Variants in CFAP44 observed in about 807,000 individuals in gnomAD.
The protein encoded by CFAP44 is cilia and flagella associated protein 44, also known as cilia- and flagella-associated protein 44.
A neutral mutation model predicts 216.2 loss-of-function variants in CFAP44; 134 were observed. The ratio of observed to expected loss-of-function variants is 0.62; its 90% CI spans 0.54 to 0.72. The LOEUF (loss-of-function observed/expected upper bound fraction) is 0.72. Among genes scored for constraint, CFAP44 ranks in the 30% least tolerant of loss-of-function variants. The pLI is 0.00. For synonymous variants in CFAP44, 700 were observed against 727.6 expected, an observed-to-expected ratio of 0.96 and a Z score of 0.61; for missense variants, 2,035 against 2,182.1, an observed-to-expected ratio of 0.93 and a Z score of 1.34.
Position 113,377,517 on chromosome 3 carries a change from CA to C in CFAP44, c.2298+1788del, listed in dbSNP as rs1293215729. Among the ~76,000 whole-genome samples the C allele has an allele frequency of 2.0e-5, 3 of 149,976 alleles. No homozygotes were observed. The East Asian group carries it at 5.8e-4, about 29-fold the overall frequency. On this transcript the variant is annotated intron_variant, in intron 17 of 34. Transcript: ENST00000393845. ...CCTTGGTTTCTTCATATATAAAATG[CA>C]AAAAAAACCAGCACTTATTTTATAG...
rs1176039235 is a variant in CFAP44, at chr3:113,330,667, A to G, written c.3617T>C (p.Val1206Ala). ...EEELGHLDSL[V>A]HGNKRHMNKC... is the part of the protein sequence containing the mutation. ...GTTCATGTGCCTTTTATTTCCATGG[A>G]CCTGAAAAAAAGAAGAGGAAGGAAA... Residue 1206 changes from valine to alanine, a missense_variant and splice_region_variant, in exon 26 of 35, where the codon GTC becomes GCC. Physicochemically the swap from Val to Ala is moderately conservative, Grantham distance 64. Coordinates refer to ENST00000393845, the MANE Select transcript of CFAP44 (RefSeq NM_001164496.2). 1.3e-6 allele frequency: 2 copies of G among 1,527,238 alleles called. No individual in the cohort carries two copies. The highest frequency in any genetic ancestry group is 4.9e-5 in the East Asian group (2 of 40,822). The allele number at this position is 1,527,238 out of a possible 1,614,324, so 94.6% of individuals were successfully genotyped here. A position where few individuals can be genotyped will look rare whatever the true frequency, so the allele number is the denominator to read the frequency against.
In CFAP44 at chr3:113,383,635, T is replaced by C. The variant is rs116438669; in HGVS notation, c.1891-2575A>G. On this transcript the variant is annotated intron_variant, in intron 15 of 34. Transcript: ENST00000393845. Reference sequence around the variant, plus strand: ...CTATTAAGTTAGGAAAAGCAAATGGTAAATGAAATACAGGTCTCTGTGTCG... The same window carrying C: ...CTATTAAGTTAGGAAAAGCAAATGGCAAATGAAATACAGGTCTCTGTGTCG... Among the ~76,000 whole-genome samples, 701 of 152,282 alleles carry C rather than the reference T, an allele frequency of 4.6e-3. 6 individuals are homozygous for C. Among genetic ancestry groups the C allele is most frequent in the African/African-American group, 0.016 (679 of 41,556 alleles).
At chr3:113,427,020 T>A (rs1385001169) in intron 3 of CFAP44, 167 bp downstream of exon 3, 4 of 665,034 alleles carry the variant, frequency 6.0e-6, no homozygotes, top group Admixed American at 3.3e-5. Context: ...ACCACAAGTC[T>A]AGGGCTGCTA....
chr3:113,364,648 G>T (rs1410390108), intron 19 of CFAP44, among the ~76,000 whole-genome samples: 2 of 152,130 alleles, frequency 1.3e-5, no homozygotes, highest in Non-Finnish European at 2.9e-5. Context: ...GGTCACAGTT[G>T]TTTCCAATAA....
intron 18 of CFAP44, among the ~76,000 whole-genome samples, chr3:113,369,666 G>T (rs1576574827): frequency 1.3e-5 from 2 of 152,254 alleles, no homozygotes; most frequent in African/African-American, 4.8e-5. Context: ...GCAATTAAAA[G>T]AACTAGAGAA....
At position 113,395,758 on chromosome 3, in the gene CFAP44, T is replaced by C; in HGVS notation, c.1882A>G (p.Met628Val). The C allele has an allele frequency of 6.2e-7, 1 of 1,610,508 alleles. No homozygotes were observed. The highest frequency in any genetic ancestry group is 8.5e-7 in the Non-Finnish European group (1 of 1,178,064). Residue 628 changes from methionine (M) to valine (V), a missense_variant, in exon 15 of 35, where the codon ATG becomes GTG. Met to Val is a conservative substitution (Grantham distance 21). Transcript: ENST00000393845. ...GPVCQLMWSPMSHPESTLLII... is the reference protein window; with the variant it reads ...GPVCQLMWSPVSHPESTLLII... ...AAATAATAATGACTTACATGAGACA[T>C]GGGAGACCACATTAACTGACACACA...
chr3:113,409,322 T>C lies in CFAP44; in HGVS notation c.674A>G (p.Asp225Gly). Residue 225 changes from aspartate to glycine, a missense_variant and splice_region_variant, in exon 7 of 35, where the codon GAT becomes GGT. Physicochemically the swap from Asp to Gly is moderately conservative, Grantham distance 94 (BLOSUM62 -1). Around this residue, in one of 3 missense-constraint regions of CFAP44, gnomAD observed 1,883 missense variants for 2,023.7 expected, o/e 0.93. Coordinates refer to ENST00000393845, the MANE Select transcript of CFAP44 (RefSeq NM_001164496.2). The stretch of plus-strand genomic sequence containing the variant: ...ATAAGCATATCCCTTCTCAGTCCCA[T>C]CTGGAAGGATAAATGGAAGCCTAAT... ...PSLRPYRVLR[D>G]GTEKGYAYVD... The C allele has an allele frequency of 1.2e-6, 2 of 1,612,452 alleles. No homozygotes were observed. Among genetic ancestry groups the C allele is most frequent in the South Asian group, 2.2e-5 (2 of 90,966 alleles).
chr3:113,385,103 T>C (rs1365793544), intron 15 of CFAP44, among the ~76,000 whole-genome samples: 5 of 152,186 alleles, frequency 3.3e-5, no homozygotes, highest in African/African-American at 1.2e-4. Flanking sequence ...GAGTTCCCCT[T>C]CACAAGACTT....
chr3:113,337,331 C>G (rs1950289680), intron 24 of CFAP44, among the ~76,000 whole-genome samples: 2 of 151,914 alleles, frequency 1.3e-5, no homozygotes, highest in East Asian at 3.9e-4. Flanking sequence ...GAAAGTCATA[C>G]CATGTCCATG....
chr3:113,331,967 C>T lies in CFAP44; in HGVS notation c.3616-1299G>A, dbSNP rs562763879. On this transcript the variant is annotated intron_variant, in intron 25 of 34. Transcript: ENST00000393845. The stretch of plus-strand genomic sequence containing the variant: ...CTCTTTTTACAGATGAAATAAAAGG[C>T]TTAGGGAGATTTATATGACTTAGCA... 1.1e-4 allele frequency among the ~76,000 whole-genome samples: 17 copies of T among 152,148 alleles called. No individual in the cohort carries two copies. In the East Asian group the frequency reaches 3.1e-3, roughly 28 times the overall value.
At chr3:113,321,539 A>C (rs1950146328) in intron 28 of CFAP44, among the ~76,000 whole-genome samples, 1 of 152,208 alleles carries the variant, frequency 6.6e-6, no homozygotes, top group African/African-American at 2.4e-5. Context: ...GGCAACAAAC[A>C]GAAATAAAAG....
intron 23 of CFAP44, among the ~76,000 whole-genome samples, chr3:113,342,299 C>T (rs1193083351): frequency 6.6e-6 from 1 of 152,170 alleles, no homozygotes; most frequent in Non-Finnish European, 1.5e-5. Context: ...TGCCACTGCA[C>T]TCCAGCCTGG....
At chr3:113,319,544 CAA>C (rs1310011034) in intron 28 of CFAP44, among the ~76,000 whole-genome samples, 2 of 152,056 alleles carry the variant, frequency 1.3e-5, no homozygotes, top group Non-Finnish European at 2.9e-5. Context: ...AGAAAACTAA[CAA>C]AAAAACTCTG....
intron 28 of CFAP44, among the ~76,000 whole-genome samples, chr3:113,314,909 A>G (rs1950072836): frequency 6.6e-6 from 1 of 152,150 alleles, no homozygotes. Flanking sequence ...AAATATAAAG[A>G]GCAACAACTT....
At chr3:113,345,704 AT>A (rs1950374803) in intron 22 of CFAP44, among the ~76,000 whole-genome samples, 1 of 152,064 alleles carries the variant, frequency 6.6e-6, no homozygotes, top group Non-Finnish European at 1.5e-5. Context: ...TAATTAACAA[AT>A]TTTTTTCATC....
chr3:113,437,346 G>A (rs1472679542), intron 1 of CFAP44, among the ~76,000 whole-genome samples: 1 of 152,090 alleles, frequency 6.6e-6, no homozygotes, highest in Non-Finnish European at 1.5e-5. Context: ...CTAATAAAAA[G>A]AGCCCATAAT....
intron 19 of CFAP44, among the ~76,000 whole-genome samples, chr3:113,365,144 G>T (rs1937636015): frequency 1.3e-5 from 2 of 152,108 alleles, no homozygotes; most frequent in Admixed American, 6.5e-5. Flanking sequence ...TTTCTATAGA[G>T]AGGGTTGGCA....
At chr3:113,363,766 TAATC>T (rs1227049655) in intron 19 of CFAP44, among the ~76,000 whole-genome samples, 1 of 152,198 alleles carries the variant, frequency 6.6e-6, no homozygotes, top group East Asian at 1.9e-4. Flanking sequence ...AGTCTTAACC[TAATC>T]ATATGTTTGC....
chr3:113,292,643 A>G (rs760677084), intron 34 of CFAP44, among the ~76,000 whole-genome samples: 1 of 152,208 alleles, frequency 6.6e-6, no homozygotes, highest in Non-Finnish European at 1.5e-5. Flanking sequence ...AGACTCAGGG[A>G]GTCATTAACT....
Sources: allele counts gnomAD v4.1 joint callset (sites outside exome capture counted in the v4.1 genomes callset), GRCh38; gene constraint gnomAD v4.1.1; regional missense constraint gnomAD v4.1.1; transcripts MANE v1.5; gene names NCBI Gene and HGNC (gene_info 2026-07-23, HGNC 2026-07-21).